Variants in PNOC observed in about 807,000 individuals in gnomAD.
PNOC encodes nociceptin.
Under a neutral mutation model 15.6 loss-of-function variants are expected in PNOC, and 10 were observed. The observed-to-expected ratio is 0.64, with a 90% CI of 0.40 to 1.09. The LOEUF is 1.09. Ranked by LOEUF, PNOC falls within the 50% of genes least tolerant of loss-of-function variation. The pLI is 0.01. For synonymous variants in PNOC, 98 were observed against 88.5 expected (o/e 1.11, Z -0.60); for missense variants, 220 against 223.9 (o/e 0.98, Z 0.11).
At position 28,331,440 on chromosome 8, in the gene PNOC, C is replaced by A. The variant is rs138703791; in HGVS notation, c.126+2157C>A. ...GTTGGTTCCTTGTCCTCTCCCCACT[C>A]CCTACACATAAAGGATCGCCAAGAT... On this transcript the variant is annotated intron_variant, in intron 2 of 3. Coordinates refer to ENST00000301908, the MANE Select transcript of PNOC (RefSeq NM_006228.5). 1.0e-3 allele frequency among the ~76,000 whole-genome samples: 157 copies of A among 152,220 alleles called. 1 individual carries two copies. The highest frequency in any genetic ancestry group is 2.4e-3 in the African/African-American group (99 of 41,540).
chr8:28,338,952 C>A, intron 2 of PNOC, 88 bp from the exon 3 acceptor site: 1 of 1,268,272 alleles, frequency 7.9e-7, no homozygotes, highest in Non-Finnish European at 1.1e-6. Flanking sequence ...AGCACTTGCA[C>A]TGGTGCAGTG....
intron 1 of PNOC, among the ~76,000 whole-genome samples, chr8:28,324,284 A>T (rs1229541682): frequency 6.6e-6 from 1 of 152,222 alleles, no homozygotes; most frequent in Non-Finnish European, 1.5e-5. Context: ...CAGTCAAACC[A>T]GCCAACATTT....
intron 1 of PNOC, among the ~76,000 whole-genome samples, chr8:28,320,178 C>A (rs952924998): frequency 7.5e-6 from 1 of 133,630 alleles, no homozygotes; most frequent in Non-Finnish European, 1.6e-5. Context: ...AGCCCGGGGG[C>A]CCAGCCTGGC....
At chr8:28,336,401 G>T (rs1255733401) in intron 2 of PNOC, among the ~76,000 whole-genome samples, 1 of 152,242 alleles carries the variant, frequency 6.6e-6, no homozygotes, top group Admixed American at 6.5e-5. Context: ...GAAGTTATCA[G>T]AGAGGGGCAG....
rs1260969873 is a variant in PNOC at position 28,335,205 on chromosome 8, G to C, written c.127-3835G>C. ...ACTCCCATCCAAACCTCAGCTCTTG[G>C]TCTCATAGAATCCTTCTTCTTGCAT... On this transcript the variant is annotated intron_variant, in intron 2 of 3. Transcript: ENST00000301908. 3.3e-5 allele frequency among the ~76,000 whole-genome samples: 5 copies of C among 152,310 alleles called. No individual in the cohort carries two copies. The South Asian group carries it at 6.2e-4, about 19-fold the overall frequency.
rs368266748 is a variant in PNOC at position 28,338,705 on chromosome 8, C to T, written c.127-335C>T. 6 of 1,038,666 alleles carry T rather than the reference C, an allele frequency of 5.8e-6. No individual in the cohort carries two copies. The East Asian group carries it at 4.8e-4, about 84-fold the overall frequency. The allele number at this position is 1,038,666 out of a possible 1,614,324, so 64.3% of individuals were successfully genotyped here. On this transcript the variant is annotated intron_variant, in intron 2 of 3. Transcript: ENST00000301908. ...CATGAGCTGTGCTTGGCTCCAAAAACCCGACTAAAGATGTAACAAGGTGCG... is the reference window on the plus strand; with the variant it reads ...CATGAGCTGTGCTTGGCTCCAAAAATCCGACTAAAGATGTAACAAGGTGCG...
chr8:28,328,964 C>T (rs933738076), intron 1 of PNOC, among the ~76,000 whole-genome samples, 171 bp from the exon 2 acceptor site: 3 of 152,132 alleles, frequency 2.0e-5, no homozygotes, highest in Admixed American at 6.5e-5. Flanking sequence ...GGCAGGGTCG[C>T]CTATGGCCTT....
chr8:28,335,581 G>A (rs1035051825), intron 2 of PNOC, among the ~76,000 whole-genome samples: 2 of 152,140 alleles, frequency 1.3e-5, no homozygotes, highest in African/African-American at 2.4e-5. Flanking sequence ...AGGCTGGAGT[G>A]CAGTGGTACA....
chr8:28,318,588 G>A (rs932545392), intron 1 of PNOC, among the ~76,000 whole-genome samples: 2 of 152,208 alleles, frequency 1.3e-5, no homozygotes, highest in Non-Finnish European at 2.9e-5. Flanking sequence ...TTTGTAAAGT[G>A]TGGCAGGGAA....
intron 2 of PNOC, among the ~76,000 whole-genome samples, chr8:28,336,891 C>T (rs186484650): frequency 3.8e-4 from 58 of 151,934 alleles, no homozygotes; most frequent in African/African-American, 1.2e-3. Context: ...AAAAGATATG[C>T]CCAGGGTTTG....
At chr8:28,337,301 G>C (rs953273835) in intron 2 of PNOC, among the ~76,000 whole-genome samples, 1 of 134,348 alleles carries the variant, frequency 7.4e-6, no homozygotes, top group African/African-American at 2.5e-5. Flanking sequence ...TCTGATGCCC[G>C]ATCACCTTTT....
rs187306589 is a variant in PNOC, at chr8:28,330,330, T to A, written c.126+1047T>A. Among the ~76,000 whole-genome samples, 470 of 151,626 alleles carry A rather than the reference T, an allele frequency of 3.1e-3. 2 individuals are homozygous for A. The highest frequency in any genetic ancestry group is 0.011 in the African/African-American group (445 of 41,266). On this transcript the variant is annotated intron_variant, in intron 2 of 3. Transcript: ENST00000301908. ...CCCCTGTGGATACAGAAGGACCGTG[T>A]AATTTGTTTAACCACTGAACAGGTA... is the stretch of plus-strand genomic sequence containing the variant.
chr8:28,330,396 A>ATTTTATTTTATT (rs377288105), intron 2 of PNOC, among the ~76,000 whole-genome samples: 6 of 80,416 alleles, frequency 7.5e-5, no homozygotes, highest in African/African-American at 2.3e-4. Context: ...ATTTTATTTT[A>ATTTTATTTTATT]TTTTTTTTTT....
intron 2 of PNOC, among the ~76,000 whole-genome samples, chr8:28,329,561 G>A (rs762081449): frequency 2.0e-5 from 3 of 152,180 alleles, no homozygotes; most frequent in Admixed American, 6.5e-5. Flanking sequence ...CAGAGAGTTT[G>A]GCAAATTCAG....
chr8:28,327,905 C>T (rs1293318852), intron 1 of PNOC, among the ~76,000 whole-genome samples: 2 of 151,896 alleles, frequency 1.3e-5, no homozygotes. Context: ...AAGGTCTATT[C>T]CTGGCTCTTA....
intron 2 of PNOC, among the ~76,000 whole-genome samples, chr8:28,333,225 A>T (rs1037017285): frequency 6.6e-6 from 1 of 152,068 alleles, no homozygotes; most frequent in Non-Finnish European, 1.5e-5. Flanking sequence ...TTCATCCCCA[A>T]TGGGTTCATA....
At position 28,319,859 on chromosome 8, in the gene PNOC, T is replaced by C. The variant is rs142462865; in HGVS notation, c.-24+2543T>C. Among the ~76,000 whole-genome samples, 511 of 152,262 alleles carry C rather than the reference T, an allele frequency of 3.4e-3. 2 individuals carry two copies. Among genetic ancestry groups the C allele is most frequent in the African/African-American group, 0.011 (454 of 41,544 alleles). ...AATGAGTGGCTGGCAGTGGCTTGAA[T>C]TGCTGGGCAGTCATGAAGCAAACTG... On this transcript the variant is annotated intron_variant, in intron 1 of 3. Transcript: ENST00000301908.
intron 1 of PNOC, among the ~76,000 whole-genome samples, chr8:28,326,630 G>C (rs914202601): frequency 6.6e-6 from 1 of 152,154 alleles, no homozygotes; most frequent in Admixed American, 6.5e-5. Flanking sequence ...GGGAGGCCGA[G>C]GCGGGCAGAT....
chr8:28,338,151 G>T (rs531858631), intron 2 of PNOC, among the ~76,000 whole-genome samples: 77 of 152,258 alleles, frequency 5.1e-4, no homozygotes, highest in African/African-American at 1.8e-3. Flanking sequence ...CCAGAAACCT[G>T]GACTGAAATT....
Sources: gnomAD v4.1 joint callset for allele counts (sites outside exome capture counted in the v4.1 genomes callset) on GRCh38, gnomAD v4.1.1 for gene constraint, MANE v1.5 for transcripts, NCBI Gene and HGNC (gene_info 2026-07-23, HGNC 2026-07-21) for gene names.